The following FRMD5 variants were observed in gnomAD, a reference collection of about 807,000 sequenced individuals.
The protein encoded by FRMD5 is FERM domain-containing protein 5.
In FRMD5, 20 loss-of-function variants were observed where a neutral mutation model predicts 69.0. That is an observed-to-expected ratio of 0.29 (90% CI 0.20 to 0.42). FRMD5 has a LOEUF of 0.42. FRMD5 is among the 10% of genes least tolerant of loss of function. The pLI is 1.00. For synonymous variants in FRMD5, 271 were observed against 260.1 expected (o/e 1.04, Z -0.40); for missense variants, 595 against 708.6 (o/e 0.84, Z 1.82).
intron 1 of FRMD5, chr15:43,989,067 G>C: frequency 2.2e-6 from 2 of 893,776 alleles, no homozygotes; most frequent in South Asian, 2.6e-5. Context: ...CCGCCTAGAA[G>C]CATCTGCGGT....
chr15:43,991,970 G>A (rs10851415), intron 1 of FRMD5, among the ~76,000 whole-genome samples: 136,777 of 152,204 alleles, frequency 0.9, 62,071 homozygotes, highest in East Asian at 1. Context: ...ATAGCTCCCA[G>A]CAAGATGAAG....
At chr15:44,111,552 A>G (rs1290202017) in intron 1 of FRMD5, among the ~76,000 whole-genome samples, 1 of 152,224 alleles carries the variant, frequency 6.6e-6, no homozygotes, top group Non-Finnish European at 1.5e-5. Context: ...GCATTCCTTC[A>G]TAACAGAAAA....
intron 1 of FRMD5, among the ~76,000 whole-genome samples, chr15:43,951,782 C>T (rs1035136290): frequency 7.9e-5 from 12 of 152,176 alleles, no homozygotes; most frequent in African/African-American, 2.7e-4. Flanking sequence ...AGGGACAATT[C>T]ACATGCCATC....
intron 1 of FRMD5, among the ~76,000 whole-genome samples, chr15:44,108,996 A>G (rs969422564): frequency 6.7e-6 from 1 of 149,676 alleles, no homozygotes; most frequent in Non-Finnish European, 1.5e-5. Context: ...AAAATAAAAT[A>G]AAATAAAATA....
intron 1 of FRMD5, among the ~76,000 whole-genome samples, chr15:44,160,822 C>T (rs888743150): frequency 3.3e-5 from 5 of 151,984 alleles, no homozygotes; most frequent in African/African-American, 1.2e-4. Context: ...TATAAAATTC[C>T]CTTTAGATTT....
intron 1 of FRMD5, among the ~76,000 whole-genome samples, chr15:43,980,743 T>C (rs2090535751): frequency 1.3e-5 from 2 of 152,174 alleles, no homozygotes; most frequent in African/African-American, 2.4e-5. Context: ...CGAAAATACA[T>C]GTTATTTAAT....
chr15:44,013,830 A>T (rs1004474730), intron 1 of FRMD5, among the ~76,000 whole-genome samples: 2 of 149,164 alleles, frequency 1.3e-5, no homozygotes, highest in Non-Finnish European at 3.0e-5. Flanking sequence ...GATGAGGAGG[A>T]GTGATGCAAG....
At chr15:43,930,991 G>A (rs2089665605) in intron 1 of FRMD5, among the ~76,000 whole-genome samples, 1 of 152,168 alleles carries the variant, frequency 6.6e-6, no homozygotes, top group Non-Finnish European at 1.5e-5. Context: ...TAAGAGCAAG[G>A]CTAACAAGAG....
intron 1 of FRMD5, among the ~76,000 whole-genome samples, chr15:43,969,534 G>A (rs1267455301): frequency 6.6e-6 from 1 of 152,144 alleles, no homozygotes; most frequent in Non-Finnish European, 1.5e-5. Flanking sequence ...GAGAGATATG[G>A]TCCCTCTCCC....
intron 1 of FRMD5, among the ~76,000 whole-genome samples, chr15:44,012,739 T>C (rs1229834190): frequency 6.6e-6 from 1 of 151,900 alleles, no homozygotes; most frequent in South Asian, 2.1e-4. Context: ...TAAAACATTA[T>C]TGGTTACTGG....
chr15:44,027,651 G>GTT (rs759567597), intron 1 of FRMD5, among the ~76,000 whole-genome samples: 1,901 of 73,872 alleles, frequency 0.026, 62 homozygotes, highest in East Asian at 0.089. Context: ...TTTTTTTTTT[G>GTT]TTTTTTTTTT....
chr15:43,941,084 T>C (rs1019752998), intron 1 of FRMD5, among the ~76,000 whole-genome samples: 2 of 152,190 alleles, frequency 1.3e-5, no homozygotes, highest in African/African-American at 2.4e-5. Context: ...GAAATCATGT[T>C]TGGGCCAGGC....
At chr15:44,150,776 G>A (rs1165254067) in intron 1 of FRMD5, among the ~76,000 whole-genome samples, 2 of 152,028 alleles carry the variant, frequency 1.3e-5, no homozygotes, top group African/African-American at 4.8e-5. Context: ...GGGCAACAGA[G>A]CAGACCCTGT....
At chr15:44,157,101 C>T (rs1184639905) in intron 1 of FRMD5, among the ~76,000 whole-genome samples, 1 of 152,146 alleles carries the variant, frequency 6.6e-6, no homozygotes, top group African/African-American at 2.4e-5. Flanking sequence ...ATTATGATTA[C>T]AAGCTACATA....
chr15:44,181,016 C>G (rs1237845974), intron 1 of FRMD5, among the ~76,000 whole-genome samples: 1 of 152,052 alleles, frequency 6.6e-6, no homozygotes, highest in Admixed American at 6.6e-5. Flanking sequence ...ATCATAAACA[C>G]ATTTGGTTAG....
intron 1 of FRMD5, among the ~76,000 whole-genome samples, chr15:44,109,484 G>GT (rs574653775): frequency 8.7e-4 from 131 of 150,624 alleles, no homozygotes; most frequent in Middle Eastern, 6.8e-3. Flanking sequence ...AATAAATTTT[G>GT]TTTTTTTTAA....
chr15:44,073,788 A>T (rs1213744216), intron 1 of FRMD5, among the ~76,000 whole-genome samples: 1 of 152,192 alleles, frequency 6.6e-6, no homozygotes, highest in Non-Finnish European at 1.5e-5. Flanking sequence ...GTCCTCTATG[A>T]CACCTATTCA....
chr15:43,968,842 GA>G (rs35206971), intron 1 of FRMD5, among the ~76,000 whole-genome samples: 1 of 151,880 alleles, frequency 6.6e-6, no homozygotes, highest in Non-Finnish European at 1.5e-5. Context: ...ATTGCTTAGG[GA>G]AAAAAATACC....
At chr15:44,154,651 T>C (rs2077499112) in intron 1 of FRMD5, among the ~76,000 whole-genome samples, 1 of 152,228 alleles carries the variant, frequency 6.6e-6, no homozygotes, top group Non-Finnish European at 1.5e-5. Flanking sequence ...GTAAAACCTT[T>C]ATTGCAACTA....
Sources: allele counts gnomAD v4.1 joint callset (sites outside exome capture counted in the v4.1 genomes callset), GRCh38; gene constraint gnomAD v4.1.1; transcripts MANE v1.5; gene names NCBI Gene and HGNC (gene_info 2026-07-23, HGNC 2026-07-21).